Variants in SPOCD1 observed in about 807,000 individuals in gnomAD.
SPOCD1 encodes the protein SPOC domain-containing protein 1.
In SPOCD1, 64 loss-of-function variants were observed where a neutral mutation model predicts 92.2. The ratio of observed to expected loss-of-function variants is 0.69; its 90% CI spans 0.57 to 0.86. SPOCD1 has a LOEUF of 0.86. SPOCD1 is among the 40% of genes least tolerant of loss of function. The pLI is 0.00. For synonymous variants in SPOCD1, 578 were observed against 619.3 expected, an observed-to-expected ratio of 0.93 and a Z score of 0.99; for missense variants, 1,360 against 1,543.1, an observed-to-expected ratio of 0.88 and a Z score of 1.99.
At chr1:31,805,504 T>C (rs1648762951) in intron 2 of SPOCD1, among the ~76,000 whole-genome samples, 2 of 152,084 alleles carry the variant, frequency 1.3e-5, no homozygotes, top group Admixed American at 6.6e-5. Flanking sequence ...GGTGTGAGGA[T>C]TGCTTGAGCT....
Position 31,790,995 on chromosome 1 carries a change from G to A in SPOCD1, c.3259C>T (p.Gln1087Ter). 6.3e-7 allele frequency: 1 copy of A among 1,590,968 alleles called. No homozygotes were observed. The highest frequency in any genetic ancestry group is 1.1e-5 in the South Asian group (1 of 88,018). ...CTCCCCCTGCCTCTGGGGGGCCTCT[G>A]CCAAGCAGAGATTCCCCTTGGAGCT... ...SIAPRGISAW[Q>*]RPPRGRGRLW... Residue 1087 changes from glutamine (Q) to a stop codon, truncating the protein, a stop_gained, in exon 16 of 16, where the codon CAG becomes TAG. Coordinates refer to ENST00000360482, the MANE Select transcript of SPOCD1 (RefSeq NM_144569.7). LOFTEE classifies it low-confidence loss of function (END_TRUNC).
intron 2 of SPOCD1, among the ~76,000 whole-genome samples, chr1:31,807,384 G>A: frequency 3.1e-5 from 1 of 32,600 alleles, no homozygotes; most frequent in African/African-American, 1.2e-4. Context: ...GCCAGACTCT[G>A]TCTCAAAAGG....
chr1:31,800,659 G>C, intron 3 of SPOCD1, 42 bp from the exon 4 acceptor site: 9 of 1,523,746 alleles, frequency 5.9e-6, no homozygotes, highest in Non-Finnish European at 8.0e-6. Context: ...GGGGCCAGCC[G>C]CTGTCCCCGC....
chr1:31,808,582 GT>G (rs1332187428), intron 2 of SPOCD1, among the ~76,000 whole-genome samples: 4 of 151,844 alleles, frequency 2.6e-5, no homozygotes. Context: ...AACATAGCAA[GT>G]GTCATACTTA....
In SPOCD1 at chr1:31,814,963, C is replaced by T. The variant is rs2123996136; in HGVS notation, c.371G>A (p.Cys124Tyr). ...LTSKRLQVSL[C>Y]DILDDSCPRK... ...GGGGCAACTGTCATCTAAGATGTCACACAGAGAAACCTGGAGCCTCTTGGA... is the reference window on the plus strand; with the variant it reads ...GGGGCAACTGTCATCTAAGATGTCATACAGAGAAACCTGGAGCCTCTTGGA... Residue 124 changes from cysteine (C) to tyrosine (Y), a missense_variant, in exon 2 of 16, where the codon TGT becomes TAT. This residue lies in a region of SPOCD1 where 140 missense variants were observed against 183.8 expected (regional missense o/e 0.76). Transcript: ENST00000360482. This position sits in a 1 kb window ranked among gnomAD's most constrained non-coding sequence, Gnocchi z 4.2. 1.2e-6 allele frequency: 2 copies of T among 1,614,004 alleles called. No individual in the cohort carries two copies. The highest frequency in any genetic ancestry group is 1.7e-6 in the Non-Finnish European group (2 of 1,180,020).
At chr1:31,810,640 G>A (rs114699193) in intron 2 of SPOCD1, among the ~76,000 whole-genome samples, 5 of 152,138 alleles carry the variant, frequency 3.3e-5, no homozygotes, top group South Asian at 2.1e-4. Context: ...GAGCCACCAC[G>A]CCTGGCCGAC....
In SPOCD1 at chr1:31,792,200, G is replaced by C. The variant is rs1484097777; in HGVS notation, c.2962+15C>G. On this transcript the variant is annotated intron_variant, in intron 15 of 15. Coordinates refer to ENST00000360482, the MANE Select transcript of SPOCD1 (RefSeq NM_144569.7). The stretch of plus-strand genomic sequence containing the variant: ...TGAGCAGAGGCAGGGTCTGGTATGG[G>C]GACTAGGCACTCACCTGGGCCCCCC... The C allele has an allele frequency of 3.8e-6, 6 of 1,588,752 alleles. No individual in the cohort carries two copies. Among genetic ancestry groups the C allele is most frequent in the Non-Finnish European group, 5.1e-6 (6 of 1,167,840 alleles).
At chr1:31,803,943 G>C (rs750913495) in intron 2 of SPOCD1, among the ~76,000 whole-genome samples, 4 of 151,982 alleles carry the variant, frequency 2.6e-5, no homozygotes, top group Admixed American at 6.5e-5. Context: ...AGAGAGGAAA[G>C]AGAATGGGTA....
At chr1:31,800,262 G>A in intron 4 of SPOCD1, 121 bp from the exon 5 acceptor site, 2 of 1,496,380 alleles carry the variant, frequency 1.3e-6, no homozygotes, top group South Asian at 2.6e-5. Context: ...CAGAGCTGCA[G>A]AAAGTAGTAC....
rs1456477506 is a variant in SPOCD1, at chr1:31,814,422, G to T, written c.912C>A (p.Val304=). Residue 304 remains valine (V), a synonymous_variant, in exon 2 of 16, where the codon GTC becomes GTA. Coordinates refer to ENST00000360482, the MANE Select transcript of SPOCD1 (RefSeq NM_144569.7). The surrounding 1 kb of genome is among the most constrained non-coding windows in gnomAD (Gnocchi z 4.2). ...GPQPGSPCGP[V]GFPVPSGGES... is the part of the protein sequence containing the mutation. ...CCCCTCCACTGGGCACTGGGAACCCGACAGGGCCACAGGGGCTGCCTGGCT... is the reference window on the plus strand; with the variant it reads ...CCCCTCCACTGGGCACTGGGAACCCTACAGGGCCACAGGGGCTGCCTGGCT... The T allele has an allele frequency of 7.5e-6, 12 of 1,608,448 alleles. No homozygotes were observed. The Admixed American group carries it at 2.0e-4, about 27-fold the overall frequency.
At chr1:31,802,231 T>C (rs986312517) in intron 2 of SPOCD1, among the ~76,000 whole-genome samples, 3 of 152,220 alleles carry the variant, frequency 2.0e-5, no homozygotes, top group Admixed American at 6.5e-5. Context: ...ACGAATTCTA[T>C]GTGGCTTATA....
chr1:31,810,442 C>A (rs1649125913), intron 2 of SPOCD1, among the ~76,000 whole-genome samples: 1 of 151,004 alleles, frequency 6.6e-6, no homozygotes, highest in African/African-American at 2.4e-5. Context: ...TAGCCTTGAC[C>A]TCCTGGAATC....
At chr1:31,791,589 T>C (rs1647595170) in intron 15 of SPOCD1, among the ~76,000 whole-genome samples, 1 of 152,114 alleles carries the variant, frequency 6.6e-6, no homozygotes, top group African/African-American at 2.4e-5. Flanking sequence ...ACTGCCAACC[T>C]CGCTGCTTTC....
chr1:31,804,985 C>CTTTTTTTTTTTTTTTT lies in SPOCD1; in HGVS notation c.1384-3281_1384-3280insAAAAAAAAAAAAAAAA, dbSNP rs1207433481. 1.6e-3 allele frequency among the ~76,000 whole-genome samples: 165 copies of CTTTTTTTTTTTTTTTT among 105,842 alleles called. 3 individuals carry two copies. The highest frequency in any genetic ancestry group is 1.8e-3 in the East Asian group (6 of 3,362). The allele number at this position is 105,842 out of a possible 152,430, so 69.4% of individuals were successfully genotyped here. A position where few individuals can be genotyped will look rare whatever the true frequency, so the allele number is the denominator to read the frequency against. On this transcript the variant is annotated intron_variant, in intron 2 of 15. Coordinates refer to ENST00000360482, the MANE Select transcript of SPOCD1 (RefSeq NM_144569.7). ...AAATTTCTTTTTTCTTTCTTTCTTTCTTTTTTTTTTTTTTGAGATGGAGTC... is the reference window on the plus strand; with the variant it reads ...AAATTTCTTTTTTCTTTCTTTCTTTCTTTTTTTTTTTTTTTTTTTTTTTTTTTTTTGAGATGGAGTC...
chr1:31,793,202 G>T (rs1457372428), intron 13 of SPOCD1, 76 bp downstream of exon 13: 12 of 1,469,444 alleles, frequency 8.2e-6, no homozygotes, highest in Non-Finnish European at 1.1e-5. Flanking sequence ...ATGCATGAGT[G>T]AAAGAGAGAG....
At position 31,814,541 on chromosome 1, in the gene SPOCD1, C is replaced by T; in HGVS notation, c.793G>A (p.Gly265Arg). 10 of 1,531,228 alleles carry T rather than the reference C, an allele frequency of 6.5e-6. No homozygotes were observed. Among genetic ancestry groups the T allele is most frequent in the Non-Finnish European group, 8.8e-6 (10 of 1,138,250 alleles). 94.9% of individuals were successfully genotyped at this position (1,531,228 alleles called of 1,614,324 possible). A position where few individuals can be genotyped will look rare whatever the true frequency, so the allele number is the denominator to read the frequency against. ...CCACCTGGCTCTCCAGGCCCAGACC[C>T]AGTGTCTTTTGGAGAGGGAGGTCTG... ...PCRPPSPKDT[G>R]SGPGEPGGSG... The change falls in exon 2 of 16, where the codon GGG becomes AGG. Residue 265 changes from glycine (G) to arginine (R), a missense_variant. Transcript: ENST00000360482. The surrounding 1 kb of genome is among the most constrained non-coding windows in gnomAD (Gnocchi z 4.2).
intron 2 of SPOCD1, among the ~76,000 whole-genome samples, chr1:31,809,513 C>T (rs1022552741): frequency 6.9e-6 from 1 of 144,372 alleles, no homozygotes; most frequent in African/African-American, 2.5e-5. Context: ...CACAGCAGCA[C>T]TATATGTAGT....
intron 2 of SPOCD1, among the ~76,000 whole-genome samples, chr1:31,810,261 T>C (rs1649112368): frequency 6.6e-6 from 1 of 152,102 alleles, no homozygotes. Context: ...AAACCCTGGC[T>C]CGGCCACTTA....
intron 9 of SPOCD1, among the ~76,000 whole-genome samples, chr1:31,797,658 C>T (rs1266982501): frequency 1.3e-5 from 2 of 152,238 alleles, no homozygotes; most frequent in Non-Finnish European, 2.9e-5. Flanking sequence ...GTCCCTTCTT[C>T]TCTCACTGGG....
Sources: gnomAD v4.1 joint callset for allele counts (sites outside exome capture counted in the v4.1 genomes callset) on GRCh38, gnomAD v4.1.1 for gene constraint, gnomAD v4.1.1 regional missense constraint, Gnocchi (gnomAD v3.1) non-coding constraint, MANE v1.5 for transcripts, NCBI Gene and HGNC (gene_info 2026-07-23, HGNC 2026-07-21) for gene names.